LSM14A: variants seen among roughly 807,000 people sequenced by gnomAD.
The protein encoded by LSM14A is LSM14A mRNA processing body assembly factor.
In LSM14A, 14 loss-of-function variants were observed where a neutral mutation model predicts 52.4. That is an observed-to-expected ratio of 0.27 (90% CI 0.18 to 0.42). The LOEUF (loss-of-function observed/expected upper bound fraction) is 0.42. LSM14A is among the 10% of genes least tolerant of loss of function. The probability of loss-of-function intolerance (pLI) is 1.00; values close to 1 mark genes in which losing one functional copy is unlikely to be tolerated. For missense variants in LSM14A, 417 were observed against 581.8 expected, an observed-to-expected ratio of 0.72 and a Z score of 2.91; for synonymous variants, 185 against 200.3, an observed-to-expected ratio of 0.92 and a Z score of 0.64.
At chr19:34,178,258 A>C (rs926794687) in intron 1 of LSM14A, among the ~76,000 whole-genome samples, 6 of 152,182 alleles carry the variant, frequency 3.9e-5, no homozygotes, top group Non-Finnish European at 7.3e-5. Context: ...TCAAAAGCCT[A>C]ATTGCAGAGG....
intron 1 of LSM14A, among the ~76,000 whole-genome samples, chr19:34,175,500 G>A (rs1374904784): frequency 1.3e-5 from 2 of 152,136 alleles, no homozygotes; most frequent in African/African-American, 4.8e-5. Context: ...CCAGAATGCC[G>A]GGATTACAGG....
At chr19:34,175,708 G>A (rs2069037923) in intron 1 of LSM14A, among the ~76,000 whole-genome samples, 1 of 152,178 alleles carries the variant, frequency 6.6e-6, no homozygotes, top group Non-Finnish European at 1.5e-5. Flanking sequence ...AAGATTAGAA[G>A]CAAGGAGTTC....
At chr19:34,183,906 G>A (rs1394326382) in intron 1 of LSM14A, among the ~76,000 whole-genome samples, 2 of 152,102 alleles carry the variant, frequency 1.3e-5, no homozygotes, top group Non-Finnish European at 2.9e-5. Context: ...GTGCGGTCCC[G>A]TGAAAGTTGT....
intron 3 of LSM14A, among the ~76,000 whole-genome samples, chr19:34,197,354 G>A (rs2070918892): frequency 6.6e-6 from 1 of 151,188 alleles, no homozygotes; most frequent in African/African-American, 2.4e-5. Flanking sequence ...GCCTCCCAAA[G>A]TGCTAGGATT....
At chr19:34,217,607 C>A in intron 6 of LSM14A, among the ~76,000 whole-genome samples, 1 of 7,968 alleles carries the variant, frequency 1.3e-4, no homozygotes, top group South Asian at 4.7e-3. Context: ...TTTTTATATC[C>A]CCCCCCCCCG....
chr19:34,179,081 T>C (rs925420393), intron 1 of LSM14A, among the ~76,000 whole-genome samples: 1 of 152,228 alleles, frequency 6.6e-6, no homozygotes, highest in African/African-American at 2.4e-5. Context: ...TTTAGTTAGC[T>C]TACCTGGATA....
intron 1 of LSM14A, among the ~76,000 whole-genome samples, chr19:34,191,099 C>A (rs1204300339): frequency 1.3e-5 from 2 of 152,032 alleles, no homozygotes; most frequent in African/African-American, 4.8e-5. Context: ...ATCTTGTTTA[C>A]CTTTTCTCAA....
At chr19:34,202,903 C>T (rs945256764) in intron 3 of LSM14A, among the ~76,000 whole-genome samples, 2 of 152,154 alleles carry the variant, frequency 1.3e-5, no homozygotes, top group Admixed American at 6.5e-5. Flanking sequence ...GTGATCCGCC[C>T]GCCTCGGCCT....
chr19:34,192,650 AAAAAAAAAAAAAAAAAAG>A (rs1568480193), intron 1 of LSM14A, among the ~76,000 whole-genome samples: 1 of 40,074 alleles, frequency 2.5e-5, no homozygotes. Context: ...AAAAAAAAAA[AAAAAAAAAAAAAAAAAAG>A]CGTATGCATT....
intron 4 of LSM14A, among the ~76,000 whole-genome samples, 167 bp from the exon 5 acceptor site, chr19:34,214,957 C>T (rs1366523634): frequency 6.6e-6 from 1 of 151,490 alleles, no homozygotes; most frequent in Non-Finnish European, 1.5e-5. Flanking sequence ...TAATGACAAG[C>T]CCACTAAGGA....
chr19:34,173,196 A>G (rs1047630470), intron 1 of LSM14A, among the ~76,000 whole-genome samples: 2 of 152,146 alleles, frequency 1.3e-5, no homozygotes, highest in African/African-American at 4.8e-5. Context: ...GTTCATTTCA[A>G]TTCGTGGCGA....
rs1236393552 is a variant in LSM14A at position 34,197,437 on chromosome 19, T to C, written c.415+674T>C. On this transcript the variant is annotated intron_variant, in intron 3 of 9. Transcript: ENST00000544216. ...TTCTTTTTAATTTCTTTTTCTTTTTTTTTTTTTTTTTTTTTTTCTGAGGCA... is the reference window on the plus strand; with the variant it reads ...TTCTTTTTAATTTCTTTTTCTTTTTCTTTTTTTTTTTTTTTTTCTGAGGCA... 2.0e-3 allele frequency among the ~76,000 whole-genome samples: 275 copies of C among 135,522 alleles called. 3 individuals carry two copies. The highest frequency in any genetic ancestry group is 7.3e-3 in the African/African-American group (265 of 36,272). The allele number at this position is 135,522 out of a possible 152,430, so 88.9% of individuals were successfully genotyped here. A position where few individuals can be genotyped will look rare whatever the true frequency, so the allele number is the denominator to read the frequency against.
chr19:34,214,773 A>G (rs774389732), intron 4 of LSM14A, among the ~76,000 whole-genome samples: 66 of 151,672 alleles, frequency 4.4e-4, no homozygotes, highest in African/African-American at 1.4e-3. Flanking sequence ...CTACAACATG[A>G]TAATTTGTAG....
At chr19:34,199,670 C>G (rs954899580) in intron 3 of LSM14A, among the ~76,000 whole-genome samples, 1 of 152,038 alleles carries the variant, frequency 6.6e-6, no homozygotes, top group African/African-American at 2.4e-5. Flanking sequence ...AATGGAAACC[C>G]CGTAGCAAGG....
At chr19:34,205,765 A>C (rs1231229068) in intron 3 of LSM14A, among the ~76,000 whole-genome samples, 1 of 152,114 alleles carries the variant, frequency 6.6e-6, no homozygotes, top group Non-Finnish European at 1.5e-5. Flanking sequence ...AGGGGGAAGA[A>C]AATAAAAAGA....
At chr19:34,216,114 T>A (rs2072565931) in intron 6 of LSM14A, among the ~76,000 whole-genome samples, 1 of 152,208 alleles carries the variant, frequency 6.6e-6, no homozygotes, top group Non-Finnish European at 1.5e-5. Flanking sequence ...AAAGATTTTT[T>A]AAAATTTTAC....
intron 1 of LSM14A, among the ~76,000 whole-genome samples, chr19:34,176,017 TTTTTGTA>T (rs1193929268): frequency 6.6e-6 from 1 of 152,074 alleles, no homozygotes; most frequent in Non-Finnish European, 1.5e-5. Context: ...AGCTGGCTAA[TTTTTGTA>T]TTTTGAGTAG....
chr19:34,219,642 T>G, intron 7 of LSM14A, 64 bp from the exon 8 acceptor site: 1 of 1,566,464 alleles, frequency 6.4e-7, no homozygotes, highest in South Asian at 1.2e-5. Context: ...TTTCTCAGAT[T>G]AGGTGTTTTT....
chr19:34,224,296 A>C (rs2073226600), intron 9 of LSM14A, among the ~76,000 whole-genome samples: 1 of 152,156 alleles, frequency 6.6e-6, no homozygotes, highest in Non-Finnish European at 1.5e-5. Flanking sequence ...ACGCCACTGT[A>C]CTCCAGCCTG....
Sources: gnomAD v4.1 joint callset for allele counts (sites outside exome capture counted in the v4.1 genomes callset) on GRCh38, gnomAD v4.1.1 for gene constraint, MANE v1.5 for transcripts, NCBI Gene and HGNC (gene_info 2026-07-23, HGNC 2026-07-21) for gene names.